MTO1: variants seen among roughly 807,000 people sequenced by gnomAD.
The protein encoded by MTO1 is mitochondrial tRNA translation optimization 1.
A neutral mutation model predicts 71.6 loss-of-function variants in MTO1; 46 were observed. The observed-to-expected ratio is 0.64, with a 90% CI of 0.51 to 0.82. MTO1 has a LOEUF of 0.82. MTO1 is among the 40% of genes least tolerant of loss of function. MTO1 has a pLI of 0.00. For missense variants in MTO1, 773 were observed against 867.5 expected (o/e 0.89, Z 1.37); for synonymous variants, 297 against 312.1 (o/e 0.95, Z 0.51).
At chr6:73,462,205 C>A in intron 1 of MTO1, 134 bp downstream of exon 1, 1 of 947,566 alleles carries the variant, frequency 1.1e-6, no homozygotes, top group Non-Finnish European at 1.6e-6. Flanking sequence ...GTTTTAGCCT[C>A]GATCAGTGTC....
At chr6:73,480,979 T>A in intron 7 of MTO1, 174 bp downstream of exon 7, 1 of 622,406 alleles carries the variant, frequency 1.6e-6, no homozygotes, top group Non-Finnish European at 2.6e-6. Context: ...GTTTTTTTTT[T>A]TTTTTTTTTT....
chr6:73,478,448 G>A (rs1348660646), intron 4 of MTO1, among the ~76,000 whole-genome samples: 3 of 152,012 alleles, frequency 2.0e-5, no homozygotes, highest in Non-Finnish European at 4.4e-5. Flanking sequence ...CCTAGTTTCT[G>A]GTGAGTGTTA....
rs958885859 is a variant in MTO1 at position 73,504,399 on chromosome 6, G to C, written c.*3664G>C. 2 of 152,224 alleles carry C rather than the reference G, an allele frequency of 1.3e-5. No individual in the cohort carries two copies. The highest frequency in any genetic ancestry group is 2.9e-5 in the Non-Finnish European group (2 of 68,064). 9.4% of individuals were successfully genotyped at this position (152,224 alleles called of 1,614,324 possible). A position where few individuals can be genotyped will look rare whatever the true frequency, so the allele number is the denominator to read the frequency against. On this transcript the variant is annotated 3_prime_UTR_variant, in exon 12 of 12. Coordinates refer to ENST00000498286, the MANE Select transcript of MTO1 (RefSeq NM_012123.4). ...TCCCTCTTCAGCCTCCTGTGTAGGTGATAGTACAGGCATGAGCCACCATGT... is the reference window on the plus strand; with the variant it reads ...TCCCTCTTCAGCCTCCTGTGTAGGTCATAGTACAGGCATGAGCCACCATGT...
At chr6:73,487,002 C>T (rs1176177536) in intron 9 of MTO1, among the ~76,000 whole-genome samples, 1 of 151,958 alleles carries the variant, frequency 6.6e-6, no homozygotes. Flanking sequence ...TACCTTGTAA[C>T]ATGTAACAGG....
At position 73,504,003 on chromosome 6, in the gene MTO1, C is replaced by A. The variant is rs1221752299; in HGVS notation, c.*3268C>A. ...TGGTCAGGAGTATCAGGAAAGCCAC[C>A]AGCAGAGACTAGGGGTTTATTCTGA... On this transcript the variant is annotated 3_prime_UTR_variant, in exon 12 of 12. Transcript: ENST00000498286. The A allele has an allele frequency of 2.0e-5, 3 of 152,170 alleles. No homozygotes were observed. The highest frequency in any genetic ancestry group is 2.9e-5 in the Non-Finnish European group (2 of 68,042). 9.4% of individuals were successfully genotyped at this position (152,170 alleles called of 1,614,324 possible).
rs1022818439 is a variant in MTO1 at position 73,492,006 on chromosome 6, G to A, written c.1638-228G>A. On this transcript the variant is annotated intron_variant, in intron 9 of 11. Coordinates refer to ENST00000498286, the MANE Select transcript of MTO1 (RefSeq NM_012123.4). The stretch of plus-strand genomic sequence containing the variant: ...AGTCCCAGCTACTAGGGAGTCTGAG[G>A]CAGGAGAATTGCTTGAACCCAGCAG... 7 of 375,276 alleles carry A rather than the reference G, an allele frequency of 1.9e-5. No individual in the cohort carries two copies. In the Admixed American group the frequency reaches 2.3e-4, roughly 12 times the overall value. 23.2% of individuals were successfully genotyped at this position (375,276 alleles called of 1,614,324 possible).
chr6:73,473,675 C>T (rs1247491204), intron 4 of MTO1, 21 bp downstream of exon 4: 3 of 1,578,768 alleles, frequency 1.9e-6, no homozygotes, highest in Non-Finnish European at 2.6e-6. Flanking sequence ...TTACGAAAAC[C>T]TGGCTTACAG....
rs374384468 is a variant in MTO1 at position 73,466,243 on chromosome 6, C to G, written c.252C>G (p.Ile84Met). The G allele has an allele frequency of 6.2e-7, 1 of 1,613,740 alleles. No individual in the cohort carries two copies. The highest frequency in any genetic ancestry group is 8.5e-7 in the Non-Finnish European group (1 of 1,179,858). The change falls in exon 2 of 12, where the codon ATC becomes ATG. Residue 84 changes from isoleucine (I) to methionine (M), a missense_variant. Physicochemically the swap from Ile to Met is conservative, Grantham distance 10. Coordinates refer to ENST00000498286, the MANE Select transcript of MTO1 (RefSeq NM_012123.4). ...CATGTAATCCTTCCTTTGGTGGCAT[C>G]GGAAAGGGACATTTAATGAGGGAAG... ...QMSCNPSFGGIGKGHLMREVD... is the reference protein window; with the variant it reads ...QMSCNPSFGGMGKGHLMREVD...
In MTO1 at chr6:73,503,494, C is replaced by G. The variant is rs1444555032; in HGVS notation, c.*2759C>G. The G allele has an allele frequency of 2.6e-5, 4 of 152,224 alleles. No individual in the cohort carries two copies. Among genetic ancestry groups the G allele is most frequent in the Non-Finnish European group, 5.9e-5 (4 of 68,028 alleles). 9.4% of individuals were successfully genotyped at this position (152,224 alleles called of 1,614,324 possible). ...TTAATATGTCAAAACAGCCTACCCTCTGGTGCTGCTATGCAGAAGTACTAC... is the reference window on the plus strand; with the variant it reads ...TTAATATGTCAAAACAGCCTACCCTGTGGTGCTGCTATGCAGAAGTACTAC... On this transcript the variant is annotated 3_prime_UTR_variant, in exon 12 of 12. Transcript: ENST00000498286.
intron 1 of MTO1, 130 bp downstream of exon 1, chr6:73,462,201 G>A: frequency 1.0e-6 from 1 of 1,003,534 alleles, no homozygotes; most frequent in Non-Finnish European, 1.5e-6. Flanking sequence ...TGTGGTTTTA[G>A]CCTCGATCAG....
Position 73,499,437 on chromosome 6 carries a change from G to A in MTO1, c.1918-1137G>A, listed in dbSNP as rs150016975. On this transcript the variant is annotated intron_variant, in intron 11 of 11. Coordinates refer to ENST00000498286, the MANE Select transcript of MTO1 (RefSeq NM_012123.4). ...CTTGGGAGGCTGAGGTGGGAGGATC[G>A]CTTGAGCCCAGGAGGTAGAGGCTGC... Among the ~76,000 whole-genome samples the A allele has an allele frequency of 3.6e-3, 548 of 151,006 alleles. 4 individuals carry two copies. The highest frequency in any genetic ancestry group is 0.012 in the African/African-American group (485 of 41,072).
chr6:73,489,905 A>G (rs578224348), intron 9 of MTO1, among the ~76,000 whole-genome samples: 1 of 152,296 alleles, frequency 6.6e-6, no homozygotes, highest in African/African-American at 2.4e-5. Flanking sequence ...AGTTCCACCA[A>G]CAGTGTAAAA....
At chr6:73,486,315 G>T (rs1410956785) in intron 9 of MTO1, among the ~76,000 whole-genome samples, 1 of 152,064 alleles carries the variant, frequency 6.6e-6, no homozygotes, top group East Asian at 1.9e-4. Context: ...TTGCAAAATA[G>T]ATCTCCAGGA....
intron 4 of MTO1, among the ~76,000 whole-genome samples, chr6:73,474,005 C>T (rs887333267): frequency 6.6e-6 from 1 of 151,576 alleles, no homozygotes; most frequent in Non-Finnish European, 1.5e-5. Flanking sequence ...AGGCTGGTCT[C>T]GAACTCCTGG....
At chr6:73,472,027 G>A (rs78357676) in intron 3 of MTO1, among the ~76,000 whole-genome samples, 20,652 of 152,082 alleles carry the variant, frequency 0.14, 1,781 homozygotes, top group East Asian at 0.2. Flanking sequence ...AAACCTTAAT[G>A]TGTAAATTTC....
In MTO1 at chr6:73,473,573, TAATTTCAG is replaced by T; in HGVS notation, c.745_752del (p.Asn249TyrfsTer19). 6.2e-7 allele frequency: 1 copy of T among 1,614,028 alleles called. No homozygotes were observed. Among genetic ancestry groups the T allele is most frequent in the Non-Finnish European group, 8.5e-7 (1 of 1,179,972 alleles). On this transcript the variant is annotated frameshift_variant, in exon 4 of 12. Transcript: ENST00000498286. LOFTEE classifies it high-confidence loss of function. ...CACCCCGAATTGCCAAAGAGTCCAT[TAATTTCAG>T]TATTCTAAACAAGCATATACCGGAC...
intron 10 of MTO1, among the ~76,000 whole-genome samples, chr6:73,496,684 T>G (rs972859680): frequency 7.4e-6 from 1 of 134,564 alleles, no homozygotes; most frequent in Non-Finnish European, 1.6e-5. Context: ...CCTGTGTCCA[T>G]GTGTTCTCAT....
At chr6:73,473,765 T>A in intron 4 of MTO1, 111 bp downstream of exon 4, 4 of 803,812 alleles carry the variant, frequency 5.0e-6, no homozygotes, top group Non-Finnish European at 7.6e-6. Context: ...ATAGCACTAT[T>A]GCTTATAGTG....
rs1582682329 is a variant in MTO1 at position 73,477,691 on chromosome 6, G to T, written c.826-2041G>T. Reference sequence around the variant, plus strand: ...CTGGCTACTTTTTGTATTTTTTGTAGAGATGAGTTTTTGCAGTGTCACCCA... The same window carrying T: ...CTGGCTACTTTTTGTATTTTTTGTATAGATGAGTTTTTGCAGTGTCACCCA... On this transcript the variant is annotated intron_variant, in intron 4 of 11. Coordinates refer to ENST00000498286, the MANE Select transcript of MTO1 (RefSeq NM_012123.4). Among the ~76,000 whole-genome samples the T allele has an allele frequency of 2.6e-5, 4 of 151,594 alleles. 1 individual carries two copies.
Sources: gnomAD v4.1 joint callset for allele counts (sites outside exome capture counted in the v4.1 genomes callset) on GRCh38, gnomAD v4.1.1 for gene constraint, MANE v1.5 for transcripts, NCBI Gene and HGNC (gene_info 2026-07-23, HGNC 2026-07-21) for gene names.